RGL1: variants seen among roughly 807,000 people sequenced by gnomAD.
RGL1 encodes ral guanine nucleotide dissociation stimulator-like 1.
A neutral mutation model predicts 95.2 loss-of-function variants in RGL1; 24 were observed. The ratio of observed to expected loss-of-function variants is 0.25; its 90% CI spans 0.18 to 0.35. RGL1 has a LOEUF of 0.35. RGL1 is among the 10% of genes least tolerant of loss of function. The pLI is 1.00. For missense variants in RGL1, 715 were observed against 936.3 expected (o/e 0.76, Z 3.08); for synonymous variants, 329 against 344.9 (o/e 0.95, Z 0.51).
At chr1:183,646,745 A>T (rs12047836) in intron 1 of RGL1, 10,452 of 152,282 alleles carry the variant, frequency 0.069, 627 homozygotes, top group African/African-American at 0.16. Flanking sequence ...CTCTTGCAGG[A>T]TGGTGAAGCA....
chr1:183,905,357 G>A (rs917898537), intron 13 of RGL1, among the ~76,000 whole-genome samples: 1 of 152,092 alleles, frequency 6.6e-6, no homozygotes, highest in African/African-American at 2.4e-5. Flanking sequence ...GTTAATTGAT[G>A]GTAGCTTTCC....
intron 1 of RGL1, among the ~76,000 whole-genome samples, chr1:183,740,673 G>A (rs1657237900): frequency 6.6e-6 from 1 of 152,096 alleles, no homozygotes; most frequent in Non-Finnish European, 1.5e-5. Flanking sequence ...TGTGATGAAT[G>A]TTAGACTTAT....
chr1:183,712,473 GAGAC>G (rs1314677735), intron 1 of RGL1, among the ~76,000 whole-genome samples: 2 of 152,244 alleles, frequency 1.3e-5, no homozygotes, highest in Non-Finnish European at 2.9e-5. Context: ...GAATAAAAGA[GAGAC>G]AGAGTGAGAG....
At chr1:183,894,066 G>A (rs1667561684) in intron 9 of RGL1, among the ~76,000 whole-genome samples, 2 of 152,206 alleles carry the variant, frequency 1.3e-5, no homozygotes, top group African/African-American at 2.4e-5. Context: ...TACTGAGATC[G>A]TGTTACTCCC....
At chr1:183,714,739 A>G (rs144247261) in intron 1 of RGL1, among the ~76,000 whole-genome samples, 176 of 152,322 alleles carry the variant, frequency 1.2e-3, no homozygotes, top group African/African-American at 4.0e-3. Context: ...ACTGTATCGA[A>G]TGCTTAAGGC....
chr1:183,663,964 C>CA (rs1414879048), intron 1 of RGL1, among the ~76,000 whole-genome samples: 3 of 149,306 alleles, frequency 2.0e-5, no homozygotes, highest in Non-Finnish European at 3.0e-5. Context: ...ATTGCAAGAA[C>CA]AAAAAACCAA....
intron 10 of RGL1, among the ~76,000 whole-genome samples, chr1:183,899,344 C>T (rs1392698016): frequency 1.3e-5 from 2 of 152,310 alleles, no homozygotes; most frequent in Non-Finnish European, 1.5e-5. Context: ...TGTTGTCTGT[C>T]ACCCCTGTCT....
chr1:183,727,062 G>T (rs1433243145), intron 1 of RGL1, among the ~76,000 whole-genome samples: 1 of 152,000 alleles, frequency 6.6e-6, no homozygotes, highest in Non-Finnish European at 1.5e-5. Flanking sequence ...TGCAAATAAA[G>T]ACAACTACAG....
At chr1:183,885,734 A>C (rs1368454139) in intron 7 of RGL1, among the ~76,000 whole-genome samples, 1 of 152,216 alleles carries the variant, frequency 6.6e-6, no homozygotes, top group African/African-American at 2.4e-5. Context: ...ATTTGTTTGC[A>C]GGAACCCGTA....
In RGL1 at chr1:183,806,384, C is replaced by G. The variant is rs1246915184; in HGVS notation, c.37C>G (p.Gln13Glu). 2 of 1,613,244 alleles carry G rather than the reference C, an allele frequency of 1.2e-6. No individual in the cohort carries two copies. Among genetic ancestry groups the G allele is most frequent in the Middle Eastern group, 1.6e-4 (1 of 6,080 alleles). The change falls in exon 2 of 18, where the codon CAG becomes GAG. Residue 13 changes from glutamine (Q) to glutamate (E), a missense_variant. Gln to Glu is a conservative substitution (Grantham distance 29). Transcript: ENST00000360851. The stretch of plus-strand genomic sequence containing the variant: ...ATCCCGTCCCTGGCAGAGCTCGATT[C>G]AGGACTGGGGTGAAGAGGTAGAGGA... ...LLWQAKMSSI[Q>E]DWGEEVEEGA...
At chr1:183,820,961 C>T (rs970173287) in intron 2 of RGL1, among the ~76,000 whole-genome samples, 1 of 151,780 alleles carries the variant, frequency 6.6e-6, no homozygotes, top group African/African-American at 2.4e-5. Context: ...GGTGAAACCC[C>T]GTCTCTACTA....
chr1:183,835,796 C>T (rs1275289995), intron 2 of RGL1, among the ~76,000 whole-genome samples: 2 of 152,162 alleles, frequency 1.3e-5, no homozygotes, highest in Non-Finnish European at 2.9e-5. Context: ...AGCTTGTAAT[C>T]TTTCAACATG....
intron 2 of RGL1, among the ~76,000 whole-genome samples, chr1:183,840,717 AAATAAAT>A (rs1572486693): frequency 4.0e-5 from 6 of 150,496 alleles, no homozygotes; most frequent in Non-Finnish European, 7.4e-5. Context: ...ATAAATAAAT[AAATAAAT>A]AATAAATAAA....
At chr1:183,845,928 CCCATT>C (rs1664391964) in intron 2 of RGL1, among the ~76,000 whole-genome samples, 1 of 152,152 alleles carries the variant, frequency 6.6e-6, no homozygotes, top group African/African-American at 2.4e-5. Context: ...AAATTTTTTT[CCCATT>C]CTCTAGGTTG....
At chr1:183,828,088 A>G (rs1381289386) in intron 2 of RGL1, among the ~76,000 whole-genome samples, 1 of 152,090 alleles carries the variant, frequency 6.6e-6, no homozygotes, top group Admixed American at 6.5e-5. Flanking sequence ...GAAATGTTGC[A>G]ACTTTTTTTT....
At chr1:183,768,437 TA>T (rs1443027351) in intron 2 of RGL1, among the ~76,000 whole-genome samples, 13 of 149,176 alleles carry the variant, frequency 8.7e-5, no homozygotes, top group Non-Finnish European at 1.8e-4. Context: ...TTCAAGCCCA[TA>T]ATTTGAACTA....
rs539379710 is a variant in RGL1 at position 183,771,808 on chromosome 1, C to T, written c.132+29519C>T. 5.3e-5 allele frequency among the ~76,000 whole-genome samples: 8 copies of T among 152,328 alleles called. No homozygotes were observed. The East Asian group carries it at 1.5e-3, about 29-fold the overall frequency. ...GTTTCCCAACACCACCCTGGCCTGCCATGCCCCCATCCTGGGCCTATAAAA... is the reference window on the plus strand; with the variant it reads ...GTTTCCCAACACCACCCTGGCCTGCTATGCCCCCATCCTGGGCCTATAAAA... On this transcript the variant is annotated intron_variant, in intron 2 of 18. Coordinates refer to the RGL1 transcript ENST00000304685.
At chr1:183,875,936 CTT>C (rs1203672714) in intron 4 of RGL1, among the ~76,000 whole-genome samples, 1 of 151,322 alleles carries the variant, frequency 6.6e-6, no homozygotes, top group Non-Finnish European at 1.5e-5. Context: ...TCCCCCAACT[CTT>C]TATATTTTTT....
chr1:183,735,002 A>G (rs2102239021), intron 1 of RGL1, among the ~76,000 whole-genome samples: 1 of 152,272 alleles, frequency 6.6e-6, no homozygotes, highest in South Asian at 2.1e-4. Flanking sequence ...TGAGCAAAGC[A>G]GGGATTGCTG....
Sources: gnomAD v4.1 joint callset for allele counts (sites outside exome capture counted in the v4.1 genomes callset) on GRCh38, gnomAD v4.1.1 for gene constraint, MANE v1.5 for transcripts, NCBI Gene and HGNC (gene_info 2026-07-23, HGNC 2026-07-21) for gene names.